The following TTC28 variants were observed in gnomAD, a reference collection of about 807,000 sequenced individuals.
TTC28 encodes tetratricopeptide repeat domain 28.
A neutral mutation model predicts 198.0 loss-of-function variants in TTC28; 61 were observed. That is an observed-to-expected ratio of 0.31 (90% CI 0.25 to 0.38). The LOEUF is 0.38. Among genes scored for constraint, TTC28 ranks in the 10% least tolerant of loss-of-function variants. The pLI is 1.00. For synonymous variants in TTC28, 1,171 were observed against 1,297.8 expected, an observed-to-expected ratio of 0.90 and a Z score of 2.10; for missense variants, 2,678 against 3,164.0, an observed-to-expected ratio of 0.85 and a Z score of 3.69.
At chr22:28,164,090 C>G (rs1236274779) in intron 5 of TTC28, among the ~76,000 whole-genome samples, 2 of 152,176 alleles carry the variant, frequency 1.3e-5, no homozygotes, top group Non-Finnish European at 2.9e-5. Flanking sequence ...GGAAGCGAGG[C>G]TGGGGGAGGG....
chr22:28,233,020 T>G (rs971611224), intron 5 of TTC28, among the ~76,000 whole-genome samples: 1 of 151,894 alleles, frequency 6.6e-6, no homozygotes, highest in Non-Finnish European at 1.5e-5. Context: ...GAGAATCGCT[T>G]GAACCCGGGA....
chr22:28,392,664 G>A lies in TTC28; in HGVS notation c.382-86021C>T, dbSNP rs936434708. ...GAAAGGGAACTCCCTGACTCCTTGC[G>A]CTTCCCGAGTGAGGCAATGCCTCGC... On this transcript the variant is annotated intron_variant, in intron 2 of 22. Transcript: ENST00000397906. 4.6e-5 allele frequency among the ~76,000 whole-genome samples: 7 copies of A among 152,218 alleles called. No homozygotes were observed. The East Asian group carries it at 7.8e-4, about 17-fold the overall frequency.
At chr22:28,210,931 T>A (rs1322812329) in intron 5 of TTC28, among the ~76,000 whole-genome samples, 1 of 152,142 alleles carries the variant, frequency 6.6e-6, no homozygotes, top group East Asian at 1.9e-4. Context: ...GACTAACAGC[T>A]GATCTCAGGA....
intron 6 of TTC28, among the ~76,000 whole-genome samples, chr22:28,130,755 C>A (rs2057235271): frequency 6.6e-6 from 1 of 152,236 alleles, no homozygotes; most frequent in African/African-American, 2.4e-5. Flanking sequence ...TTGATCACTT[C>A]TATAAGGTTC....
intron 1 of TTC28, among the ~76,000 whole-genome samples, chr22:28,645,138 G>A (rs1173771540): frequency 1.3e-5 from 2 of 149,508 alleles, no homozygotes; most frequent in Non-Finnish European, 1.5e-5. Context: ...GTGAGACTCC[G>A]TCTCAAAAAA....
chr22:28,043,147 G>A (rs1464271577), intron 12 of TTC28, among the ~76,000 whole-genome samples: 1 of 145,740 alleles, frequency 6.9e-6, no homozygotes, highest in East Asian at 2.1e-4. Context: ...GGGAGGCTGA[G>A]GCAGAGAACT....
At chr22:28,062,311 T>A (rs1164163419) in intron 12 of TTC28, among the ~76,000 whole-genome samples, 2 of 152,036 alleles carry the variant, frequency 1.3e-5, no homozygotes, top group African/African-American at 4.8e-5. Context: ...TCTGTCTGCC[T>A]CGGCCTCCCA....
intron 2 of TTC28, among the ~76,000 whole-genome samples, chr22:28,399,563 C>T (rs563752449): frequency 6.6e-6 from 1 of 152,224 alleles, no homozygotes; most frequent in East Asian, 1.9e-4. Flanking sequence ...CCTTGGCCCC[C>T]CAAAGTGCTG....
intron 6 of TTC28, among the ~76,000 whole-genome samples, chr22:28,127,163 G>A (rs1942936581): frequency 6.6e-6 from 1 of 152,208 alleles, no homozygotes; most frequent in African/African-American, 2.4e-5. Flanking sequence ...AAAGAATCAG[G>A]CCCTACTAAA....
intron 2 of TTC28, among the ~76,000 whole-genome samples, chr22:28,411,668 A>G (rs1032207463): frequency 2.0e-5 from 3 of 152,250 alleles, no homozygotes; most frequent in African/African-American, 4.8e-5. Context: ...AGCTTTTACT[A>G]TTGATGATCT....
chr22:28,022,664 C>T (rs1006898680), intron 13 of TTC28, among the ~76,000 whole-genome samples: 1 of 152,268 alleles, frequency 6.6e-6, no homozygotes, highest in Admixed American at 6.5e-5. Flanking sequence ...CTCAACTGAG[C>T]CCTAACCAGG....
At chr22:28,391,201 C>T (rs1300569037) in intron 2 of TTC28, among the ~76,000 whole-genome samples, 6 of 152,244 alleles carry the variant, frequency 3.9e-5, no homozygotes, top group South Asian at 2.1e-4. Flanking sequence ...GAGTTTCTGC[C>T]GAGACATCAG....
intron 2 of TTC28, among the ~76,000 whole-genome samples, chr22:28,622,258 C>T (rs1601632598): frequency 6.6e-6 from 1 of 152,044 alleles, no homozygotes; most frequent in Non-Finnish European, 1.5e-5. Flanking sequence ...AAGGGGATTC[C>T]AGAAAGAAAA....
intron 5 of TTC28, among the ~76,000 whole-genome samples, chr22:28,211,354 C>T (rs904722804): frequency 2.8e-4 from 43 of 152,080 alleles, no homozygotes; most frequent in African/African-American, 1.0e-3. Flanking sequence ...GATAAAGAGT[C>T]AAGACCCATC....
intron 2 of TTC28, among the ~76,000 whole-genome samples, chr22:28,513,423 T>C (rs1385438969): frequency 6.6e-6 from 1 of 152,134 alleles, no homozygotes; most frequent in East Asian, 1.9e-4. Context: ...AAAAGCAGTA[T>C]TTCCTTTACA....
rs1937038881 is a variant in TTC28 at position 27,982,114 on chromosome 22, C to T, written c.*107G>A. 1 of 1,191,960 alleles carries T rather than the reference C, an allele frequency of 8.4e-7. No individual in the cohort carries two copies. The highest frequency in any genetic ancestry group is 1.5e-5 in the African/African-American group (1 of 64,542). 73.8% of individuals were successfully genotyped at this position (1,191,960 alleles called of 1,614,324 possible). ...GCCCCTCGCCTGCAGAGCACAGCAT[C>T]ATGAGGGTGCTGGTGGCTGTGGGGG... is the stretch of plus-strand genomic sequence containing the variant. On this transcript the variant is annotated 3_prime_UTR_variant, in exon 23 of 23. Transcript: ENST00000397906. This position sits in a 1 kb window ranked among gnomAD's most constrained non-coding sequence, Gnocchi z 5.2.
At chr22:28,420,615 T>C (rs549753450) in intron 2 of TTC28, among the ~76,000 whole-genome samples, 2 of 152,048 alleles carry the variant, frequency 1.3e-5, no homozygotes, top group South Asian at 4.2e-4. Context: ...GTTGTTGTTT[T>C]GAGACAGAGT....
intron 2 of TTC28, among the ~76,000 whole-genome samples, chr22:28,391,162 T>A (rs964653011): frequency 1.3e-5 from 2 of 152,190 alleles, no homozygotes; most frequent in Non-Finnish European, 2.9e-5. Flanking sequence ...GAATGTTGAA[T>A]ATTGGCCCCC....
rs1435332424 is a variant in TTC28, at chr22:27,983,635, C to T, written c.6032G>A (p.Gly2011Glu). 1.9e-6 allele frequency: 3 copies of T among 1,542,484 alleles called. No homozygotes were observed. The highest frequency in any genetic ancestry group is 4.0e-5 in the Admixed American group (2 of 49,650). The change falls in exon 23 of 23, where the codon GGA becomes GAA. Residue 2011 changes from glycine (G) to glutamate (E), a missense_variant. Transcript: ENST00000397906. ...SMSFVSKPEG[G>E]SEGGGPGGRQ... is the part of the protein sequence containing the mutation. ...TCCTCCGGGGCCTCCACCCTCTGAT[C>T]CACCCTCGGGTTTGGAGACAAAGCT...
Sources: allele counts gnomAD v4.1 joint callset (sites outside exome capture counted in the v4.1 genomes callset), GRCh38; gene constraint gnomAD v4.1.1; non-coding constraint Gnocchi (gnomAD v3.1); transcripts MANE v1.5; gene names NCBI Gene and HGNC (gene_info 2026-07-23, HGNC 2026-07-21).